CTTN: variants seen among roughly 807,000 people sequenced by gnomAD.
CTTN encodes the protein src substrate cortactin.
A neutral mutation model predicts 84.0 loss-of-function variants in CTTN; 28 were observed. That is an observed-to-expected ratio of 0.33 (90% CI 0.25 to 0.46). CTTN has a LOEUF of 0.46. CTTN is among the 20% of genes least tolerant of loss of function. The pLI, the probability that CTTN is intolerant of heterozygous loss-of-function variation, is 1.00. For missense variants in CTTN, 641 were observed against 723.8 expected, an observed-to-expected ratio of 0.89 and a Z score of 1.31; for synonymous variants, 301 against 288.8, an observed-to-expected ratio of 1.04 and a Z score of -0.43.
intron 12 of CTTN, 76 bp downstream of exon 12, chr11:70,423,071 C>G: frequency 6.4e-7 from 1 of 1,556,428 alleles, no homozygotes; most frequent in Admixed American, 1.7e-5. Flanking sequence ...CCGTGCTGGC[C>G]AACATCCACG....
At chr11:70,417,207 T>C (rs575895164) in intron 8 of CTTN, 84 bp downstream of exon 8, 7 of 1,037,164 alleles carry the variant, frequency 6.7e-6, no homozygotes, top group Non-Finnish European at 9.1e-6. Context: ...ACGTGATTGT[T>C]GTAGATTTTT....
intron 12 of CTTN, 144 bp from the exon 13 acceptor site, chr11:70,425,188 C>T (rs1013570090): frequency 8.4e-6 from 5 of 597,378 alleles, no homozygotes; most frequent in Non-Finnish European, 1.5e-5. Flanking sequence ...TTTGCAAAAC[C>T]GAGAGGCCAT....
chr11:70,436,280 A>G lies in CTTN; in HGVS notation c.*1118A>G. On this transcript the variant is annotated 3_prime_UTR_variant, in exon 18 of 18. Coordinates refer to ENST00000301843, the MANE Select transcript of CTTN (RefSeq NM_005231.4). ...TGGCATTTGTGGCCACTCACTTTGT[A>G]GGAAACTCATCTCCTTCCTGAGGAG... The G allele has an allele frequency of 6.3e-7, 1 of 1,597,934 alleles. No individual in the cohort carries two copies. The highest frequency in any genetic ancestry group is 8.5e-7 in the Non-Finnish European group (1 of 1,179,688).
intron 8 of CTTN, among the ~76,000 whole-genome samples, chr11:70,418,339 TTCC>T (rs1451333884): frequency 1.3e-5 from 2 of 152,234 alleles, no homozygotes; most frequent in East Asian, 3.9e-4. Context: ...GAACAGTCCA[TTCC>T]TCCTCTTCCC....
At chr11:70,422,810 T>C in intron 11 of CTTN, 130 bp from the exon 12 acceptor site, 1 of 1,524,958 alleles carries the variant, frequency 6.6e-7, no homozygotes, top group Non-Finnish European at 8.8e-7. Context: ...AAGCCTCGCT[T>C]GGCCATTCTC....
Position 70,411,632 on chromosome 11 carries a change from G to A in CTTN, c.291+1672G>A, listed in dbSNP as rs73516284. Among the ~76,000 whole-genome samples, 443 of 152,330 alleles carry A rather than the reference G, an allele frequency of 2.9e-3. 3 individuals are homozygous for A. Among genetic ancestry groups the A allele is most frequent in the African/African-American group, 9.8e-3 (408 of 41,582 alleles). ...ACATATTGGGGAAAAGAAAGGCAAC[G>A]TGTCAGGAGAGCCTGGTAGGGAAGC... On this transcript the variant is annotated intron_variant, in intron 5 of 17. Transcript: ENST00000301843.
intron 16 of CTTN, 59 bp downstream of exon 16, chr11:70,433,337 G>C: frequency 6.6e-7 from 1 of 1,505,128 alleles, no homozygotes; most frequent in Non-Finnish European, 8.9e-7. Flanking sequence ...GGGACATCCT[G>C]CTCGACCTGT....
In CTTN at chr11:70,435,566, T is replaced by C; in HGVS notation, c.*404T>C. 6.4e-7 allele frequency: 1 copy of C among 1,563,318 alleles called. No homozygotes were observed. Among genetic ancestry groups the C allele is most frequent in the Non-Finnish European group, 8.6e-7 (1 of 1,161,046 alleles). ...AGCACGAGGCCTCAGGTCGGCCCTG[T>C]GGCGGGTAGGCAGGAAGGACTGTCC... On this transcript the variant is annotated 3_prime_UTR_variant, in exon 18 of 18. Transcript: ENST00000301843.
intron 14 of CTTN, among the ~76,000 whole-genome samples, 196 bp downstream of exon 14, chr11:70,429,395 A>G (rs1011897538): frequency 3.3e-5 from 5 of 152,114 alleles, no homozygotes; most frequent in African/African-American, 1.2e-4. Flanking sequence ...TCTGGCCACA[A>G]TGCTCCAGGC....
intron 12 of CTTN, among the ~76,000 whole-genome samples, chr11:70,423,452 C>T (rs2058265235): frequency 6.6e-6 from 1 of 152,252 alleles, no homozygotes; most frequent in African/African-American, 2.4e-5. Context: ...GGGCTCCACA[C>T]TGCCTGCTCC....
At chr11:70,426,736 C>T (rs1191004358) in intron 13 of CTTN, among the ~76,000 whole-genome samples, 1 of 151,758 alleles carries the variant, frequency 6.6e-6, no homozygotes, top group East Asian at 2.0e-4. Context: ...CTACAGGCGC[C>T]TGCCACCACG....
intron 8 of CTTN, 25 bp from the exon 9 acceptor site, chr11:70,419,721 G>A (rs745462167): frequency 6.3e-7 from 1 of 1,578,274 alleles, no homozygotes; most frequent in Non-Finnish European, 8.6e-7. Context: ...TCCTTTTAAA[G>A]TAGTCCTTTT....
intron 8 of CTTN, 70 bp from the exon 9 acceptor site, chr11:70,419,676 G>GGATAAAATA (rs1250066918): frequency 7.5e-7 from 1 of 1,335,748 alleles, no homozygotes; most frequent in Admixed American, 2.2e-5. Context: ...TTTAATCAAA[G>GGATAAAATA]GATAAAATAC....
rs367798747 is a variant in CTTN at position 70,421,511 on chromosome 11, G to C, written c.832G>C (p.Glu278Gln). The C allele has an allele frequency of 3.0e-5, 48 of 1,614,042 alleles. No homozygotes were observed. The highest frequency in any genetic ancestry group is 3.8e-5 in the Non-Finnish European group (45 of 1,180,032). The change falls in exon 11 of 18, where the codon GAG becomes CAG. Residue 278 changes from glutamate (E) to glutamine (Q), a missense_variant. Glu to Gln is a conservative substitution (Grantham distance 29). Coordinates refer to ENST00000301843, the MANE Select transcript of CTTN (RefSeq NM_005231.4). ...GFGGKFGVQS[E>Q]RQDSAAVGFD... is the part of the protein sequence containing the mutation. ...TGGAGGCAAATTCGGTGTTCAGTCG[G>C]AGAGGCAGGACTCCGCTGCTGTGGG...
In CTTN at chr11:70,405,984, G is replaced by A. The variant is rs534767141; in HGVS notation, c.-1+623G>A. Among the ~76,000 whole-genome samples the A allele has an allele frequency of 7.2e-5, 11 of 152,320 alleles. No homozygotes were observed. The East Asian group carries it at 1.5e-3, about 21-fold the overall frequency. ...CATCCCGTTTCTCTTTCCTGCAGCCGTTGCTTCATTTATAAATGGGCGCGT... is the reference window on the plus strand; with the variant it reads ...CATCCCGTTTCTCTTTCCTGCAGCCATTGCTTCATTTATAAATGGGCGCGT... On this transcript the variant is annotated intron_variant, in intron 2 of 17. Coordinates refer to ENST00000301843, the MANE Select transcript of CTTN (RefSeq NM_005231.4).
In CTTN at chr11:70,431,293, G is replaced by C. The variant is rs769388597; in HGVS notation, c.1266+13G>C. ...CCCCGTCTATGAGGTTGGTGTCTTT[G>C]GTGTTTGAATGAGCGTGAGTGACTT... On this transcript the variant is annotated intron_variant, in intron 15 of 17. Coordinates refer to ENST00000301843, the MANE Select transcript of CTTN (RefSeq NM_005231.4). The C allele has an allele frequency of 6.2e-7, 1 of 1,613,724 alleles. No individual in the cohort carries two copies. Among genetic ancestry groups the C allele is most frequent in the Admixed American group, 1.7e-5 (1 of 59,992 alleles).
At chr11:70,429,912 G>A (rs188505912) in intron 14 of CTTN, among the ~76,000 whole-genome samples, 1 of 152,240 alleles carries the variant, frequency 6.6e-6, no homozygotes, top group East Asian at 1.9e-4. Context: ...CATCTGCAGT[G>A]TGGGGCAGGC....
chr11:70,429,271 C>T, intron 14 of CTTN, 72 bp downstream of exon 14: 1 of 1,526,342 alleles, frequency 6.6e-7, no homozygotes, highest in Non-Finnish European at 8.9e-7. Flanking sequence ...AGCTCTGGGG[C>T]CTGGGCGGGG....
intron 9 of CTTN, 36 bp downstream of exon 9, chr11:70,419,892 C>G (rs977464601): frequency 2.0e-6 from 3 of 1,527,098 alleles, no homozygotes; most frequent in Non-Finnish European, 2.7e-6. Context: ...CAGCCAGCAG[C>G]TAGTAATGTG....
Sources: gnomAD v4.1 joint callset for allele counts (sites outside exome capture counted in the v4.1 genomes callset) on GRCh38, gnomAD v4.1.1 for gene constraint, MANE v1.5 for transcripts, NCBI Gene and HGNC (gene_info 2026-07-23, HGNC 2026-07-21) for gene names.